ZBTB16: variants seen among roughly 807,000 people sequenced by gnomAD.
The protein encoded by ZBTB16 is zinc finger and BTB domain containing 16.
A neutral mutation model predicts 56.8 loss-of-function variants in ZBTB16; 8 were observed. The observed-to-expected ratio is 0.14, with a 90% confidence interval of 0.08 to 0.25. The LOEUF (loss-of-function observed/expected upper bound fraction) is 0.25. Among genes scored for constraint, ZBTB16 ranks in the 10% least tolerant of loss-of-function variants. ZBTB16 has a pLI of 1.00. For missense variants in ZBTB16, 625 were observed against 903.0 expected (o/e 0.69, Z 3.95); for synonymous variants, 363 against 368.5 (o/e 0.98, Z 0.17).
intron 3 of ZBTB16, among the ~76,000 whole-genome samples, chr11:114,170,440 A>G (rs1942928032): frequency 6.6e-6 from 1 of 152,156 alleles, no homozygotes; most frequent in Non-Finnish European, 1.5e-5. Flanking sequence ...GCGTAGATGG[A>G]AGCCAGTGGG....
intron 5 of ZBTB16, among the ~76,000 whole-genome samples, chr11:114,245,057 T>G (rs1316265645): frequency 1.3e-5 from 2 of 152,174 alleles, no homozygotes; most frequent in Non-Finnish European, 2.9e-5. Context: ...GGGCTGTGAG[T>G]GCAGACACAC....
At chr11:114,183,896 G>A (rs1369708938) in intron 3 of ZBTB16, among the ~76,000 whole-genome samples, 2 of 152,142 alleles carry the variant, frequency 1.3e-5, no homozygotes, top group African/African-American at 4.8e-5. Flanking sequence ...CTGTCACTGG[G>A]GGCTAGAAGT....
chr11:114,093,113 C>T (rs890608083), intron 2 of ZBTB16, among the ~76,000 whole-genome samples: 2 of 152,188 alleles, frequency 1.3e-5, no homozygotes, highest in African/African-American at 2.4e-5. Flanking sequence ...ACCTGCCTGA[C>T]TTCAGTGGCC....
intron 4 of ZBTB16, chr11:114,237,447 C>G (rs1944615104): frequency 6.6e-6 from 1 of 152,268 alleles, no homozygotes; most frequent in South Asian, 2.1e-4. Flanking sequence ...AGCACCTCCC[C>G]TCTCCCCAGT....
chr11:114,199,196 C>T (rs1943674763), intron 4 of ZBTB16, among the ~76,000 whole-genome samples: 1 of 151,992 alleles, frequency 6.6e-6, no homozygotes, highest in East Asian at 1.9e-4. Context: ...GACATGGATG[C>T]CGGGCCCCGG....
chr11:114,107,265 C>T (rs1191659036), intron 2 of ZBTB16, among the ~76,000 whole-genome samples: 1 of 152,128 alleles, frequency 6.6e-6, no homozygotes, highest in African/African-American at 2.4e-5. Flanking sequence ...GCCTCACCTG[C>T]CTTGAAGCCT....
intron 4 of ZBTB16, among the ~76,000 whole-genome samples, chr11:114,200,017 A>G (rs1178470071): frequency 2.0e-5 from 3 of 151,856 alleles, no homozygotes; most frequent in Admixed American, 6.6e-5. Context: ...AGTCCCAGCT[A>G]CTTGGGAGGC....
At chr11:114,133,800 C>T (rs1377704785) in intron 2 of ZBTB16, among the ~76,000 whole-genome samples, 1 of 152,192 alleles carries the variant, frequency 6.6e-6, no homozygotes, top group Non-Finnish European at 1.5e-5. Context: ...GCCCCATGGT[C>T]CTCAGAGACC....
intron 4 of ZBTB16, among the ~76,000 whole-genome samples, chr11:114,204,410 G>A (rs1353338429): frequency 1.3e-5 from 2 of 152,136 alleles, no homozygotes; most frequent in Non-Finnish European, 2.9e-5. Context: ...AAAGTGCTGG[G>A]ATTACAGGTG....
intron 4 of ZBTB16, among the ~76,000 whole-genome samples, chr11:114,233,071 G>GCT (rs1944478161): frequency 5.2e-5 from 3 of 57,974 alleles, no homozygotes; most frequent in African/African-American, 2.2e-4. Context: ...ACGCATGCGC[G>GCT]CGCGCGCGCG....
chr11:114,090,708 C>G (rs1940153737), intron 2 of ZBTB16, among the ~76,000 whole-genome samples: 1 of 152,130 alleles, frequency 6.6e-6, no homozygotes, highest in Admixed American at 6.5e-5. Context: ...AGGCCCTGGG[C>G]TGTTGTAGAG....
At chr11:114,190,595 A>T (rs774983908) in intron 4 of ZBTB16, among the ~76,000 whole-genome samples, 21 of 152,300 alleles carry the variant, frequency 1.4e-4, no homozygotes, top group Non-Finnish European at 2.6e-4. Context: ...TGTACACTTT[A>T]AAAGACATGA....
At chr11:114,180,877 G>C (rs1035796101) in intron 3 of ZBTB16, 2 of 152,294 alleles carry the variant, frequency 1.3e-5, no homozygotes, top group African/African-American at 4.8e-5. Context: ...AGATGGAAGA[G>C]AGCTCCAAAT....
At chr11:114,168,326 A>G (rs192362721) in intron 3 of ZBTB16, among the ~76,000 whole-genome samples, 390 of 152,340 alleles carry the variant, frequency 2.6e-3, no homozygotes, top group African/African-American at 8.3e-3. Flanking sequence ...GGACCTTGTC[A>G]GTAGTGTGCT....
chr11:114,134,880 A>G (rs1368844169), intron 2 of ZBTB16, among the ~76,000 whole-genome samples: 1 of 152,246 alleles, frequency 6.6e-6, no homozygotes, highest in African/African-American at 2.4e-5. Flanking sequence ...TCTTTTAAAT[A>G]AATACCTTTC....
chr11:114,233,000 A>G, intron 4 of ZBTB16, among the ~76,000 whole-genome samples: 2 of 148,964 alleles, frequency 1.3e-5, no homozygotes, highest in African/African-American at 2.5e-5. Context: ...AGGGCTGCAT[A>G]CCTCTCCGGA....
At chr11:114,191,362 A>G (rs920585380) in intron 4 of ZBTB16, among the ~76,000 whole-genome samples, 3 of 152,232 alleles carry the variant, frequency 2.0e-5, no homozygotes, top group African/African-American at 7.2e-5. Flanking sequence ...TTAGATATGT[A>G]AATACTTACC....
chr11:114,233,065 A>ATG (rs1944476428), intron 4 of ZBTB16, among the ~76,000 whole-genome samples: 2 of 57,638 alleles, frequency 3.5e-5, no homozygotes, highest in Non-Finnish European at 7.6e-5. Flanking sequence ...GCACATACGC[A>ATG]TGCGCGCGCG....
intron 5 of ZBTB16, among the ~76,000 whole-genome samples, chr11:114,243,827 T>C (rs1944762358): frequency 1.3e-5 from 2 of 152,196 alleles, no homozygotes; most frequent in Admixed American, 1.3e-4. Flanking sequence ...TCAGTCCTGC[T>C]AAATCCACCC....
Sources: allele counts gnomAD v4.1 joint callset (sites outside exome capture counted in the v4.1 genomes callset), GRCh38; gene constraint gnomAD v4.1.1; transcripts MANE v1.5; gene names NCBI Gene and HGNC (gene_info 2026-07-23, HGNC 2026-07-21).